The following NUP35 variants were observed in gnomAD, a reference collection of about 807,000 sequenced individuals.
NUP35 encodes nucleoporin 35.
NUP35 carries 25 observed loss-of-function variants against 41.5 expected under a neutral mutation model. That is an observed-to-expected ratio of 0.60 (90% CI 0.44 to 0.84). NUP35 has a LOEUF of 0.84. NUP35 is among the 40% of genes least tolerant of loss of function. The pLI, the probability that NUP35 is intolerant of heterozygous loss-of-function variation, is 0.00. For synonymous variants in NUP35, 149 were observed against 130.7 expected, an observed-to-expected ratio of 1.14 and a Z score of -0.96; for missense variants, 396 against 396.6, an observed-to-expected ratio of 1.00 and a Z score of 0.01.
intron 5 of NUP35, among the ~76,000 whole-genome samples, chr2:183,154,546 A>G (rs770889346): frequency 3.2e-4 from 49 of 152,290 alleles, no homozygotes; most frequent in Middle Eastern, 3.4e-3. Flanking sequence ...TTGCTAAAAC[A>G]TAACAAGAGT....
intron 8 of NUP35, chr2:183,160,393 T>G (rs987214349): frequency 6.6e-6 from 1 of 152,276 alleles, no homozygotes; most frequent in East Asian, 1.9e-4. Flanking sequence ...TCAATTTTTC[T>G]TTCTTTTGTT....
intron 5 of NUP35, among the ~76,000 whole-genome samples, chr2:183,156,344 T>G (rs1359146270): frequency 1.3e-5 from 2 of 152,140 alleles, no homozygotes; most frequent in East Asian, 3.8e-4. Flanking sequence ...TTTATTTAAT[T>G]AATTAATTTA....
At chr2:183,133,543 A>G (rs911105084) in intron 3 of NUP35, 23 bp from the exon 4 acceptor site, 8 of 1,590,280 alleles carry the variant, frequency 5.0e-6, no homozygotes, top group Non-Finnish European at 6.0e-6. Flanking sequence ...TTTTTACCAT[A>G]ACACTTTCTT....
At chr2:183,124,793 C>G (rs1300349203) in intron 1 of NUP35, among the ~76,000 whole-genome samples, 1 of 152,208 alleles carries the variant, frequency 6.6e-6, no homozygotes, top group East Asian at 1.9e-4. Flanking sequence ...TGGCCCATAC[C>G]TTAACCTCCT....
At chr2:183,120,973 A>G (rs186571913), upstream of NUP35, among the ~76,000 whole-genome samples, 1 of 152,324 alleles carries the variant, frequency 6.6e-6, no homozygotes, top group Admixed American at 6.5e-5. Flanking sequence ...TCCAAGGGAG[A>G]CCACTAAGAG....
At chr2:183,117,662 A>T (rs1340034169) in intron 1 of NUP35, 3 of 152,168 alleles carry the variant, frequency 2.0e-5, no homozygotes, top group Non-Finnish European at 4.4e-5. Flanking sequence ...ATTTTAAAAA[A>T]TTATTTGTTT....
At chr2:183,132,109 G>C (rs941473923) in intron 3 of NUP35, among the ~76,000 whole-genome samples, 2 of 151,880 alleles carry the variant, frequency 1.3e-5, no homozygotes, top group Non-Finnish European at 2.9e-5. Flanking sequence ...CTGTAGCCTC[G>C]ACATCCTGGG....
Position 183,124,510 on chromosome 2 carries a change from T to C in NUP35, c.40+13T>C, listed in dbSNP as rs201361767. On this transcript the variant is annotated intron_variant, in intron 1 of 8. Coordinates refer to ENST00000295119, the MANE Select transcript of NUP35 (RefSeq NM_138285.5). ...GGGCCCGCGTTAGGTGAGTGAAATA[T>C]TGCTTTTCCTTGCTGGCACTGCCAT... 2.9e-4 allele frequency: 473 copies of C among 1,613,946 alleles called. No homozygotes were observed. The highest frequency in any genetic ancestry group is 5.5e-4 in the Admixed American group (33 of 60,034).
intron 5 of NUP35, among the ~76,000 whole-genome samples, chr2:183,153,094 G>C (rs1470595730): frequency 6.6e-6 from 1 of 152,136 alleles, no homozygotes; most frequent in Non-Finnish European, 1.5e-5. Context: ...ATCAGATCTC[G>C]TGAGACTTAT....
Position 183,130,532 on chromosome 2 carries a change from C to T in NUP35, c.326C>T (p.Thr109Ile), listed in dbSNP as rs149647382. Reference sequence around the variant, plus strand: ...CCAGGACTTGGATCAACACCTTTAACTTCAAGAAGACAGGTAATATAAATA... The same window carrying T: ...CCAGGACTTGGATCAACACCTTTAATTTCAAGAAGACAGGTAATATAAATA... ...SSPGLGSTPLTSRRQPNISVM... is the reference protein window; with the variant it reads ...SSPGLGSTPLISRRQPNISVM... The change falls in exon 3 of 9, where the codon ACT becomes ATT. Residue 109 changes from threonine to isoleucine, a missense_variant. By Grantham distance (89) the Thr-to-Ile change is moderately conservative. Transcript: ENST00000295119. 1.9e-6 allele frequency: 3 copies of T among 1,612,992 alleles called. No homozygotes were observed. The highest frequency in any genetic ancestry group is 2.5e-6 in the Non-Finnish European group (3 of 1,179,578).
chr2:183,161,235 C>T lies in NUP35; in HGVS notation c.*104C>T, dbSNP rs1039335592. On this transcript the variant is annotated 3_prime_UTR_variant, in exon 9 of 9. Transcript: ENST00000295119. ...TGTTCCTGCAGTATTGGATAGCTAT[C>T]TCATACTTCTTTTAGAAAGAAGCCT... 6.2e-5 allele frequency: 42 copies of T among 677,346 alleles called. No individual in the cohort carries two copies. The African/African-American group carries it at 6.5e-4, about 11-fold the overall frequency. The allele number at this position is 677,346 out of a possible 1,614,324, so 42.0% of individuals were successfully genotyped here. A position where few individuals can be genotyped will look rare whatever the true frequency, so the allele number is the denominator to read the frequency against.
chr2:183,143,239 T>C (rs1239806756), intron 4 of NUP35, among the ~76,000 whole-genome samples: 1 of 151,946 alleles, frequency 6.6e-6, no homozygotes, highest in Non-Finnish European at 1.5e-5. Flanking sequence ...TAGCAGTCTT[T>C]TTTATTCTTG....
chr2:183,145,529 A>C (rs1018720067), intron 4 of NUP35, among the ~76,000 whole-genome samples: 1 of 152,212 alleles, frequency 6.6e-6, no homozygotes, highest in Non-Finnish European at 1.5e-5. Context: ...AGGATGATGT[A>C]CTTTAGTATT....
Position 183,157,620 on chromosome 2 carries a change from T to G in NUP35, c.609+107T>G, listed in dbSNP as rs1427253231. The G allele has an allele frequency of 7.7e-6, 6 of 779,050 alleles. No individual in the cohort carries two copies. In the Admixed American group the frequency reaches 1.5e-4, roughly 20 times the overall value. 48.3% of individuals were successfully genotyped at this position (779,050 alleles called of 1,614,324 possible). ...GTGGGTTTTTTTTAAACTTAAATTT[T>G]TTTTTGAGTTTTGATATAATACATC... On this transcript the variant is annotated intron_variant, in intron 6 of 8. Transcript: ENST00000295119.
intron 4 of NUP35, among the ~76,000 whole-genome samples, chr2:183,134,222 A>G (rs1352006081): frequency 6.6e-6 from 1 of 152,200 alleles, no homozygotes; most frequent in African/African-American, 2.4e-5. Flanking sequence ...ATGTTTATTC[A>G]GCAAATATTT....
chr2:183,145,853 G>A (rs918111032), intron 4 of NUP35, among the ~76,000 whole-genome samples: 3 of 152,250 alleles, frequency 2.0e-5, no homozygotes, highest in African/African-American at 7.2e-5. Flanking sequence ...CAAAACTACA[G>A]CCTGGACAGG....
At chr2:183,123,650 A>G (rs1427423835), upstream of NUP35, 1 of 292,932 alleles carries the variant, frequency 3.4e-6, no homozygotes, top group Non-Finnish European at 5.1e-6. Flanking sequence ...ATTATTTTAT[A>G]AAGTTAGTAT....
intron 6 of NUP35, 61 bp from the exon 7 acceptor site, chr2:183,158,222 A>G: frequency 8.5e-7 from 1 of 1,173,978 alleles, no homozygotes; most frequent in Non-Finnish European, 1.1e-6. Flanking sequence ...TTTCTAGTAG[A>G]ATTCATTAGA....
upstream of NUP35, among the ~76,000 whole-genome samples, chr2:183,120,355 A>G (rs897454414): frequency 6.6e-6 from 1 of 151,616 alleles, no homozygotes; most frequent in South Asian, 2.1e-4. Context: ...CTGAGGCAGG[A>G]GAATTTCTTG....
Sources: allele counts gnomAD v4.1 joint callset (sites outside exome capture counted in the v4.1 genomes callset), GRCh38; gene constraint gnomAD v4.1.1; transcripts MANE v1.5; gene names NCBI Gene and HGNC (gene_info 2026-07-23, HGNC 2026-07-21).